NR4A3: variants seen among roughly 807,000 people sequenced by gnomAD.
NR4A3 encodes chondrosarcoma, extraskeletal myxoid, fused to EWS.
In NR4A3, 13 loss-of-function variants were observed where a neutral mutation model predicts 55.6. The observed-to-expected ratio is 0.23, with a 90% CI of 0.15 to 0.37. NR4A3 has a LOEUF of 0.37. Ranked by LOEUF, NR4A3 falls within the 10% of genes least tolerant of loss-of-function variation. NR4A3 has a pLI of 1.00. For missense variants in NR4A3, 646 were observed against 822.8 expected, an observed-to-expected ratio of 0.79 and a Z score of 2.63; for synonymous variants, 342 against 357.9, an observed-to-expected ratio of 0.96 and a Z score of 0.50.
intron 1 of NR4A3, among the ~76,000 whole-genome samples, chr9:99,824,474 C>T (rs1827254014): frequency 6.6e-6 from 1 of 152,216 alleles, no homozygotes; most frequent in South Asian, 2.1e-4. Flanking sequence ...CGCGCTACAT[C>T]GAGCGCAAGC....
At chr9:99,862,694 C>T (rs1828029838) in intron 7 of NR4A3, among the ~76,000 whole-genome samples, 1 of 151,520 alleles carries the variant, frequency 6.6e-6, no homozygotes, top group African/African-American at 2.4e-5. Context: ...GTATTTGCCT[C>T]AGAAAACTGG....
intron 5 of NR4A3, among the ~76,000 whole-genome samples, chr9:99,843,780 G>A (rs1335152616): frequency 6.7e-6 from 1 of 150,240 alleles, no homozygotes; most frequent in Non-Finnish European, 1.5e-5. Context: ...TGGAGACAGA[G>A]TGCCACTCTG....
intron 7 of NR4A3, among the ~76,000 whole-genome samples, chr9:99,861,095 GA>G (rs1828001245): frequency 6.6e-6 from 1 of 152,222 alleles, no homozygotes; most frequent in Admixed American, 6.5e-5. Flanking sequence ...ACCAGAACTA[GA>G]ACCTAGGTCT....
rs1587883241 is a variant in NR4A3 at position 99,847,429 on chromosome 9, C to A, written c.1455-8C>A. 2 of 1,613,460 alleles carry A rather than the reference C, an allele frequency of 1.2e-6. No homozygotes were observed. The highest frequency in any genetic ancestry group is 1.7e-6 in the Non-Finnish European group (2 of 1,179,466). ...CTGTTTAATGTTTGTCTTCCTCTCA[C>A]CTCCCAGGTCAAACACTGCTGAAGA... On this transcript the variant is annotated splice_region_variant and splice_polypyrimidine_tract_variant and intron_variant, in intron 6 of 7. Coordinates refer to ENST00000395097, the MANE Select transcript of NR4A3 (RefSeq NM_006981.4).
chr9:99,834,011 T>G (rs1026832877), intron 5 of NR4A3: 34 of 1,122,126 alleles, frequency 3.0e-5, no homozygotes, highest in Admixed American at 9.3e-5. Context: ...TTCCTGCTTT[T>G]GGCTCTCTCC....
intron 5 of NR4A3, chr9:99,833,868 C>T: frequency 7.9e-7 from 1 of 1,261,074 alleles, no homozygotes; most frequent in Non-Finnish European, 1.0e-6. Context: ...ATTGCATCAG[C>T]ATTGATTGAC....
At chr9:99,848,421 T>G (rs1262907052) in intron 7 of NR4A3, among the ~76,000 whole-genome samples, 1 of 152,224 alleles carries the variant, frequency 6.6e-6, no homozygotes, top group Non-Finnish European at 1.5e-5. Context: ...CTTGGTTTAC[T>G]GCAACCTCTG....
intron 7 of NR4A3, among the ~76,000 whole-genome samples, chr9:99,852,532 G>C (rs1827867010): frequency 6.6e-6 from 1 of 152,148 alleles, no homozygotes. Context: ...CCTAACCTCA[G>C]AGCAAAACGC....
intron 5 of NR4A3, among the ~76,000 whole-genome samples, chr9:99,835,478 G>A (rs1827542766): frequency 6.6e-6 from 1 of 152,158 alleles, no homozygotes; most frequent in Admixed American, 6.5e-5. Flanking sequence ...CAGGAATGAA[G>A]AGTTCTCCTC....
chr9:99,832,630 T>C, intron 3 of NR4A3, 59 bp from the exon 4 acceptor site: 1 of 1,379,830 alleles, frequency 7.2e-7, no homozygotes, highest in East Asian at 2.5e-5. Context: ...ATACATCTTG[T>C]CAGGTCCTAC....
At chr9:99,849,031 A>T (rs1827804373) in intron 7 of NR4A3, among the ~76,000 whole-genome samples, 1 of 152,246 alleles carries the variant, frequency 6.6e-6, no homozygotes, top group Non-Finnish European at 1.5e-5. Context: ...TGGCTATAGA[A>T]AACATGTTTC....
chr9:99,833,736 G>A, intron 5 of NR4A3: 1 of 1,455,134 alleles, frequency 6.9e-7, no homozygotes. Context: ...ATGAAAATCT[G>A]CACAGACAAA....
At chr9:99,841,589 C>G (rs1827650909) in intron 5 of NR4A3, among the ~76,000 whole-genome samples, 1 of 152,230 alleles carries the variant, frequency 6.6e-6, no homozygotes. Flanking sequence ...AGGCCCTTTA[C>G]ATATGTTATC....
At position 99,828,914 on chromosome 9, in the gene NR4A3, C is replaced by T. The variant is rs1271644143; in HGVS notation, c.872C>T (p.Thr291Met). The T allele has an allele frequency of 2.0e-6, 3 of 1,471,188 alleles. No homozygotes were observed. Among genetic ancestry groups the T allele is most frequent in the South Asian group, 2.6e-5 (2 of 75,678 alleles). The allele number at this position is 1,471,188 out of a possible 1,614,324, so 91.1% of individuals were successfully genotyped here. ...PSRSSSSGEGTCAVCGDNAAC... is the reference protein window; with the variant it reads ...PSRSSSSGEGMCAVCGDNAAC... ...AGGAGCTCGTCGTCTGGCGAGGGCA[C>T]GTGTGCCGTGTGCGGGGACAACGCC... The change falls in exon 3 of 8, where the codon ACG becomes ATG. Residue 291 changes from threonine to methionine, a missense_variant. Transcript: ENST00000395097. The surrounding 1 kb of genome is among the most constrained non-coding windows in gnomAD (Gnocchi z 7.7).
At chr9:99,857,822 A>G (rs1827953242) in intron 7 of NR4A3, among the ~76,000 whole-genome samples, 1 of 152,192 alleles carries the variant, frequency 6.6e-6, no homozygotes, top group Non-Finnish European at 1.5e-5. Context: ...GTCTACAGCC[A>G]GGAAATCTAA....
chr9:99,828,366 C>CCAG lies in NR4A3; in HGVS notation c.333_335dup (p.Gln111dup), dbSNP rs746365146. ...ACCACCACCACCACCACCACCATCACCAGCAGCAGCATCAGCAGCCATCCA... is the reference window on the plus strand; with the variant it reads ...ACCACCACCACCACCACCACCATCACCAGCAGCAGCAGCATCAGCAGCCATCCA... On this transcript the variant is annotated inframe_insertion, in exon 3 of 8. Transcript: ENST00000395097. This position sits in a 1 kb window ranked among gnomAD's most constrained non-coding sequence, Gnocchi z 7.7. 1 of 1,600,024 alleles carries CCAG rather than the reference C, an allele frequency of 6.2e-7. No individual in the cohort carries two copies. The highest frequency in any genetic ancestry group is 1.1e-5 in the South Asian group (1 of 88,140).
In NR4A3 at chr9:99,866,445, T is replaced by C. The variant is rs556137965; in HGVS notation, c.*2578T>C. On this transcript the variant is annotated 3_prime_UTR_variant, in exon 8 of 8. Transcript: ENST00000395097. Reference sequence around the variant, plus strand: ...TGGTTGGAAGGAATGAAGAAGCTTTTTTAGTAATAGGTCCAGATATGAGTG... The same window carrying C: ...TGGTTGGAAGGAATGAAGAAGCTTTCTTAGTAATAGGTCCAGATATGAGTG... 4.4e-6 allele frequency: 1 copy of C among 226,588 alleles called. No homozygotes were observed. Among genetic ancestry groups the C allele is most frequent in the Non-Finnish European group, 8.8e-6 (1 of 113,582 alleles). 14.0% of individuals were successfully genotyped at this position (226,588 alleles called of 1,614,324 possible).
rs1827188443 is a variant in NR4A3 at position 99,822,054 on chromosome 9, A to T, written c.-530A>T. On this transcript the variant is annotated 5_prime_UTR_variant, in exon 1 of 8. Transcript: ENST00000395097. This position sits in a 1 kb window ranked among gnomAD's most constrained non-coding sequence, Gnocchi z 4.9. ...ACACACTTCGCTCTCCCGCGCGCTC[A>T]CACCCCTCTTGCCCTGAGCCCTTGC... 1 of 152,766 alleles carries T rather than the reference A, an allele frequency of 6.5e-6. No individual in the cohort carries two copies. The highest frequency in any genetic ancestry group is 2.4e-5 in the African/African-American group (1 of 41,382). 9.5% of individuals were successfully genotyped at this position (152,766 alleles called of 1,614,324 possible).
chr9:99,843,788 C>G (rs1827699653), intron 5 of NR4A3, among the ~76,000 whole-genome samples: 1 of 150,954 alleles, frequency 6.6e-6, no homozygotes, highest in Admixed American at 6.6e-5. Context: ...GAGTGCCACT[C>G]TGGCACCCAT....
Sources: allele counts gnomAD v4.1 joint callset (sites outside exome capture counted in the v4.1 genomes callset), GRCh38; gene constraint gnomAD v4.1.1; non-coding constraint Gnocchi (gnomAD v3.1); transcripts MANE v1.5; gene names NCBI Gene and HGNC (gene_info 2026-07-23, HGNC 2026-07-21).